ZDHHC4: variants seen among roughly 807,000 people sequenced by gnomAD.
The protein encoded by ZDHHC4 is zDHHC palmitoyltransferase 4.
ZDHHC4 carries 42 observed loss-of-function variants against 36.7 expected under a neutral mutation model. The observed-to-expected ratio is 1.14, with a 90% CI of 0.89 to 1.48. The LOEUF (loss-of-function observed/expected upper bound fraction) is 1.48. ZDHHC4 is among the 40% of genes most tolerant of loss of function. The pLI, the probability that ZDHHC4 is intolerant of heterozygous loss-of-function variation, is 0.00. For synonymous variants in ZDHHC4, 189 were observed against 166.6 expected, an observed-to-expected ratio of 1.13 and a Z score of -1.03; for missense variants, 457 against 421.5, an observed-to-expected ratio of 1.08 and a Z score of -0.74.
In ZDHHC4 at chr7:6,585,245, G is replaced by A. The variant is rs766126740; in HGVS notation, c.726G>A (p.Thr242=). 6 of 1,613,926 alleles carry A rather than the reference G, an allele frequency of 3.7e-6. No individual in the cohort carries two copies. The highest frequency in any genetic ancestry group is 1.1e-5 in the South Asian group (1 of 91,062). The change falls in exon 7 of 8, where the codon ACG becomes ACA. Residue 242 remains threonine, a synonymous_variant. Transcript: ENST00000335965. ...DDLGHLHVMD[T]VFLIQYLFLT... is the part of the protein sequence containing the mutation. ...TTGGACACCTCCATGTTATGGACAC[G>A]GTCTTTCTTATTCAGGTAATTATGC... is the stretch of plus-strand genomic sequence containing the variant.
chr7:6,588,195 A>G (rs1781378877), intron 7 of ZDHHC4, among the ~76,000 whole-genome samples: 1 of 152,342 alleles, frequency 6.6e-6, no homozygotes, highest in East Asian at 1.9e-4. Context: ...AAAGGAAAAA[A>G]ACTTCGGAAG....
Position 6,588,983 on chromosome 7 carries a change from CTTGT to C in ZDHHC4, c.*80_*83del, listed in dbSNP as rs1781476077. ...GTGGATCCTCGTTTTCCAAGCATGG[CTTGT>C]TTGTTTTGATTTCTGCTGTGCTTAT... On this transcript the variant is annotated 3_prime_UTR_variant, in exon 8 of 8. Transcript: ENST00000335965. The C allele has an allele frequency of 1.3e-6, 2 of 1,531,748 alleles. No homozygotes were observed. The highest frequency in any genetic ancestry group is 1.8e-6 in the Non-Finnish European group (2 of 1,129,634). 94.9% of individuals were successfully genotyped at this position (1,531,748 alleles called of 1,614,324 possible).
chr7:6,588,934 T>C lies in ZDHHC4; in HGVS notation c.*24T>C. The C allele has an allele frequency of 6.3e-7, 1 of 1,587,864 alleles. No homozygotes were observed. The highest frequency in any genetic ancestry group is 1.1e-5 in the South Asian group (1 of 89,816). On this transcript the variant is annotated 3_prime_UTR_variant, in exon 8 of 8. Transcript: ENST00000335965. Reference sequence around the variant, plus strand: ...GACAAGTGTATGACTGCCTTTGAGCTGTAGTTCCCGTTTATTTACACATGT... The same window carrying C: ...GACAAGTGTATGACTGCCTTTGAGCCGTAGTTCCCGTTTATTTACACATGT...
Position 6,581,604 on chromosome 7 carries a change from C to T in ZDHHC4, c.118-3C>T. 1 of 1,607,780 alleles carries T rather than the reference C, an allele frequency of 6.2e-7. No individual in the cohort carries two copies. Among genetic ancestry groups the T allele is most frequent in the East Asian group, 2.2e-5 (1 of 44,820 alleles). Reference sequence around the variant, plus strand: ...TGAGTCTTTCTCTTTCCTTTTGTTTCAGATATTTTCCTGTATAATTCCAGA... The same window carrying T: ...TGAGTCTTTCTCTTTCCTTTTGTTTTAGATATTTTCCTGTATAATTCCAGA... On this transcript the variant is annotated splice_region_variant and splice_polypyrimidine_tract_variant and intron_variant, in intron 3 of 7. Coordinates refer to ENST00000335965, the MANE Select transcript of ZDHHC4 (RefSeq NM_001134389.2).
intron 7 of ZDHHC4, among the ~76,000 whole-genome samples, chr7:6,586,136 A>T (rs1410197489): frequency 2.1e-5 from 3 of 145,286 alleles, no homozygotes; most frequent in Non-Finnish European, 4.7e-5. Flanking sequence ...CTGGGCAACA[A>T]GAGCGAAAGA....
chr7:6,584,513 T>C (rs1263702666), intron 6 of ZDHHC4, among the ~76,000 whole-genome samples: 1 of 152,252 alleles, frequency 6.6e-6, no homozygotes, highest in Non-Finnish European at 1.5e-5. Flanking sequence ...AAACTATGTC[T>C]ATCCAAGTCA....
At position 6,585,390 on chromosome 7, in the gene ZDHHC4, G is replaced by A. The variant is rs1021412213; in HGVS notation, c.741+130G>A. On this transcript the variant is annotated intron_variant, in intron 7 of 7. Transcript: ENST00000335965. ...TATAATCCCAGCACTTTTGGAGGCC[G>A]AGGTGGGAGGATCGCATGAGGCTAG... The A allele has an allele frequency of 7.8e-6, 10 of 1,283,556 alleles. No individual in the cohort carries two copies. The East Asian group carries it at 1.3e-4, about 16-fold the overall frequency. 79.5% of individuals were successfully genotyped at this position (1,283,556 alleles called of 1,614,324 possible). A position where few individuals can be genotyped will look rare whatever the true frequency, so the allele number is the denominator to read the frequency against.
At chr7:6,586,081 A>G (rs549856948) in intron 7 of ZDHHC4, among the ~76,000 whole-genome samples, 1 of 152,130 alleles carries the variant, frequency 6.6e-6, no homozygotes, top group Non-Finnish European at 1.5e-5. Flanking sequence ...TGAACCTGGG[A>G]GGCGGAGGTT....
intron 7 of ZDHHC4, among the ~76,000 whole-genome samples, chr7:6,586,601 G>A (rs182515038): frequency 8.5e-5 from 13 of 152,160 alleles, no homozygotes; most frequent in Admixed American, 4.6e-4. Context: ...TCAGTCTCCC[G>A]TGTAGCTGGG....
intron 1 of ZDHHC4, 55 bp downstream of exon 1, chr7:6,577,553 TCTC>T (rs1780510516): frequency 1.3e-5 from 2 of 152,300 alleles, no homozygotes; most frequent in South Asian, 2.1e-4. Flanking sequence ...GGACCGTCAG[TCTC>T]CTCCTCTGAC....
rs1272069928 is a variant in ZDHHC4 at position 6,580,657 on chromosome 7, C to T, written c.96C>T (p.Gly32=). 3 of 1,614,108 alleles carry T rather than the reference C, an allele frequency of 1.9e-6. No individual in the cohort carries two copies. The highest frequency in any genetic ancestry group is 2.5e-6 in the Non-Finnish European group (3 of 1,180,016). Residue 32 remains glycine, a synonymous_variant, in exon 3 of 8, where the codon GGC becomes GGT. Coordinates refer to ENST00000335965, the MANE Select transcript of ZDHHC4 (RefSeq NM_001134389.2). The part of the protein sequence containing the change: ...CVCSKTHSLK[G]LARGGAQIFS... ...GCTCGAAAACCCATAGCTTGAAAGG[C>T]CTGGCCAGGGGAGGAGCACAGGTAA...
chr7:6,585,820 A>T (rs1781205867), intron 7 of ZDHHC4, among the ~76,000 whole-genome samples: 1 of 152,054 alleles, frequency 6.6e-6, no homozygotes, highest in African/African-American at 2.4e-5. Context: ...ACTAACAAAC[A>T]AACGTGAAGT....
chr7:6,583,384 G>A lies in ZDHHC4; in HGVS notation c.449G>A (p.Arg150Lys). The change falls in exon 6 of 8, where the codon AGG becomes AAG. Residue 150 changes from arginine (R) to lysine (K), a missense_variant. Arg to Lys is a conservative substitution (Grantham distance 26). Transcript: ENST00000335965. ...GAAGTGATGTTTCCAAAGAACGTGAGGTGCTCTACTTGTGATTTAAGGAAA... is the reference window on the plus strand; with the variant it reads ...GAAGTGATGTTTCCAAAGAACGTGAAGTGCTCTACTTGTGATTTAAGGAAA... ...FDEVMFPKNV[R>K]CSTCDLRKPA... The A allele has an allele frequency of 3.1e-6, 5 of 1,613,928 alleles. No individual in the cohort carries two copies. Among genetic ancestry groups the A allele is most frequent in the Middle Eastern group, 1.7e-4 (1 of 6,060 alleles).
intron 4 of ZDHHC4, 27 bp downstream of exon 4, chr7:6,581,707 TCTC>T (rs769368686): frequency 3.3e-6 from 5 of 1,520,406 alleles, no homozygotes; most frequent in Middle Eastern, 1.7e-4. Context: ...GTTTAAATAT[TCTC>T]CTCTTTTCTG....
rs150804598 is a variant in ZDHHC4, at chr7:6,587,866, T to G, written c.742-751T>G. Among the ~76,000 whole-genome samples, 129 of 152,262 alleles carry G rather than the reference T, an allele frequency of 8.5e-4. 1 individual carries two copies. The highest frequency in any genetic ancestry group is 2.9e-3 in the African/African-American group (119 of 41,556). Reference sequence around the variant, plus strand: ...AAGACCCTGTTTCTATTGATTTATTTATTTATTTATTTATTTTTAGATGGA... The same window carrying G: ...AAGACCCTGTTTCTATTGATTTATTGATTTATTTATTTATTTTTAGATGGA... On this transcript the variant is annotated intron_variant, in intron 7 of 7. Transcript: ENST00000335965.
rs1422526821 is a variant in ZDHHC4 at position 6,589,193 on chromosome 7, T to A, written c.*283T>A. ...TTGGTGTCTCTAAACTCTGGGCATG[T>A]GGACAGGAGGGGCTTGCGGCCGTGT... On this transcript the variant is annotated 3_prime_UTR_variant, in exon 8 of 8. Transcript: ENST00000335965. 2.4e-6 allele frequency: 1 copy of A among 418,648 alleles called. No homozygotes were observed. Among genetic ancestry groups the A allele is most frequent in the Non-Finnish European group, 4.4e-6 (1 of 224,938 alleles). The allele number at this position is 418,648 out of a possible 1,614,324, so 25.9% of individuals were successfully genotyped here. A position where few individuals can be genotyped will look rare whatever the true frequency, so the allele number is the denominator to read the frequency against.
chr7:6,580,523 C>G (rs746463992), intron 2 of ZDHHC4, 32 bp from the exon 3 acceptor site: 2 of 1,566,666 alleles, frequency 1.3e-6, no homozygotes, highest in Non-Finnish European at 1.8e-6. Context: ...CTTTCAGTAG[C>G]AGATAGTCAC....
Position 6,588,568 on chromosome 7 carries a change from G to A in ZDHHC4, c.742-49G>A, listed in dbSNP as rs767998679. 6.9e-6 allele frequency: 11 copies of A among 1,587,052 alleles called. No individual in the cohort carries two copies. The East Asian group carries it at 2.5e-4, about 36-fold the overall frequency. On this transcript the variant is annotated intron_variant, in intron 7 of 7. Transcript: ENST00000335965. ...AGGGTTGGCCAGTGTTCACTCTCATGGATGTCACAGTCCAGCTGCCTAAAG... is the reference window on the plus strand; with the variant it reads ...AGGGTTGGCCAGTGTTCACTCTCATAGATGTCACAGTCCAGCTGCCTAAAG...
intron 7 of ZDHHC4, among the ~76,000 whole-genome samples, chr7:6,586,687 GCTGGT>G (rs1781268444): frequency 6.6e-6 from 1 of 152,148 alleles, no homozygotes; most frequent in Non-Finnish European, 1.5e-5. Flanking sequence ...TGTTGGCCAG[GCTGGT>G]CTTGAACTCC....
Sources: gnomAD v4.1 joint callset for allele counts (sites outside exome capture counted in the v4.1 genomes callset) on GRCh38, gnomAD v4.1.1 for gene constraint, MANE v1.5 for transcripts, NCBI Gene and HGNC (gene_info 2026-07-23, HGNC 2026-07-21) for gene names.